EXT1: variants seen among roughly 807,000 people sequenced by gnomAD.
EXT1 encodes the protein exostosin glycosyltransferase 1.
A neutral mutation model predicts 82.5 loss-of-function variants in EXT1; 20 were observed. The ratio of observed to expected loss-of-function variants is 0.24; its 90% confidence interval spans 0.17 to 0.35. The LOEUF is 0.35. Among genes scored for constraint, EXT1 ranks in the 10% least tolerant of loss-of-function variants. The probability of loss-of-function intolerance (pLI) is 1.00; values close to 1 mark genes in which losing one functional copy is unlikely to be tolerated. For synonymous variants in EXT1, 348 were observed against 350.8 expected (o/e 0.99, Z 0.09); for missense variants, 757 against 936.5 (o/e 0.81, Z 2.50).
intron 1 of EXT1, among the ~76,000 whole-genome samples, chr8:117,965,708 T>C (rs918445959): frequency 1.3e-5 from 2 of 152,214 alleles, no homozygotes; most frequent in Admixed American, 6.5e-5. Context: ...TCAATACATA[T>C]TAATCAGTGA....
At chr8:118,014,497 G>T (rs2129842505) in intron 1 of EXT1, among the ~76,000 whole-genome samples, 1 of 152,254 alleles carries the variant, frequency 6.6e-6, no homozygotes, top group East Asian at 1.9e-4. Context: ...GTCAGCATTA[G>T]AACCACCTGT....
At chr8:117,850,969 C>G (rs1812442794) in intron 1 of EXT1, among the ~76,000 whole-genome samples, 1 of 152,116 alleles carries the variant, frequency 6.6e-6, no homozygotes, top group Non-Finnish European at 1.5e-5. Flanking sequence ...AAACCCAAAC[C>G]ACCCTTAGCA....
chr8:117,895,084 T>A (rs1813312790), intron 1 of EXT1, among the ~76,000 whole-genome samples: 1 of 152,174 alleles, frequency 6.6e-6, no homozygotes, highest in Non-Finnish European at 1.5e-5. Context: ...CCACTGTCAA[T>A]TCGATCATGA....
At chr8:118,018,385 A>G (rs556149475) in intron 1 of EXT1, among the ~76,000 whole-genome samples, 1 of 152,318 alleles carries the variant, frequency 6.6e-6, no homozygotes, top group African/African-American at 2.4e-5. Flanking sequence ...ATGTTTCTAT[A>G]AAGCCAGAAA....
In EXT1 at chr8:118,054,230, C is replaced by A. The variant is rs142595620; in HGVS notation, c.962+55855G>T. ...CAATGGTCTGTTGAGTATTTGTGCC[C>A]CAAACTAGCTAGGAAGCCATCTTTC... On this transcript the variant is annotated intron_variant, in intron 1 of 10. Coordinates refer to ENST00000378204, the MANE Select transcript of EXT1 (RefSeq NM_000127.3). Among the ~76,000 whole-genome samples the A allele has an allele frequency of 1.7e-3, 256 of 152,228 alleles. 1 individual carries two copies. The highest frequency in any genetic ancestry group is 5.9e-3 in the African/African-American group (243 of 41,534).
intron 4 of EXT1, among the ~76,000 whole-genome samples, chr8:117,828,182 GAT>G (rs897375869): frequency 1.3e-5 from 2 of 151,836 alleles, no homozygotes; most frequent in Non-Finnish European, 2.9e-5. Context: ...TGTTTGTGGG[GAT>G]ATATATATCA....
intron 1 of EXT1, among the ~76,000 whole-genome samples, chr8:117,894,616 T>TA (rs1173588195): frequency 6.6e-6 from 1 of 152,110 alleles, no homozygotes; most frequent in Non-Finnish European, 1.5e-5. Flanking sequence ...CCGGGAGAGA[T>TA]ACGTCCCTTT....
chr8:118,069,104 G>A (rs530132924), intron 1 of EXT1, among the ~76,000 whole-genome samples: 30 of 152,248 alleles, frequency 2.0e-4, no homozygotes, highest in Non-Finnish European at 3.5e-4. Context: ...GGACTAGCTG[G>A]AGGAAGCAAG....
chr8:118,025,534 G>T (rs1398449063), intron 1 of EXT1, among the ~76,000 whole-genome samples: 1 of 152,076 alleles, frequency 6.6e-6, no homozygotes, highest in Non-Finnish European at 1.5e-5. Context: ...GGCTACTTTC[G>T]AAAGCTTTTA....
intron 1 of EXT1, among the ~76,000 whole-genome samples, chr8:118,070,239 T>C (rs1227829994): frequency 8.1e-6 from 1 of 123,972 alleles, no homozygotes; most frequent in Non-Finnish European, 1.6e-5. Flanking sequence ...TGTGTGTGTG[T>C]GTGTGTGTGT....
At chr8:117,926,855 G>A (rs7812722) in intron 1 of EXT1, among the ~76,000 whole-genome samples, 86,765 of 152,050 alleles carry the variant, frequency 0.57, 27,043 homozygotes, top group Middle Eastern at 0.77. Flanking sequence ...GAAAATAACT[G>A]CACTGCCAGT....
rs1472428272 is a variant in EXT1, at chr8:117,796,363, T to TG, written c.*3348_*3349insC. 6.6e-6 allele frequency: 1 copy of TG among 151,914 alleles called. No homozygotes were observed. The highest frequency in any genetic ancestry group is 2.4e-5 in the African/African-American group (1 of 41,358). 9.4% of individuals were successfully genotyped at this position (151,914 alleles called of 1,614,324 possible). A position where few individuals can be genotyped will look rare whatever the true frequency, so the allele number is the denominator to read the frequency against. On this transcript the variant is annotated 3_prime_UTR_variant, in exon 11 of 11. Coordinates refer to ENST00000378204, the MANE Select transcript of EXT1 (RefSeq NM_000127.3). Reference sequence around the variant, plus strand: ...TGTTCTTAAATCAAGTGCCCTGTTTTTTTTTTTTTTAATTAAAAAAAATAG... The same window carrying TG: ...TGTTCTTAAATCAAGTGCCCTGTTTTGTTTTTTTTTTAATTAAAAAAAATAG...
At chr8:117,991,852 A>T (rs1304565126) in intron 1 of EXT1, among the ~76,000 whole-genome samples, 1 of 152,172 alleles carries the variant, frequency 6.6e-6, no homozygotes, top group African/African-American at 2.4e-5. Flanking sequence ...ATGAGCCACC[A>T]CACCTAGCCT....
chr8:117,819,827 G>A (rs1290022138), intron 5 of EXT1, 33 bp from the exon 6 acceptor site: 2 of 1,589,676 alleles, frequency 1.3e-6, no homozygotes, highest in Non-Finnish European at 8.6e-7. Flanking sequence ...GCCTAATGAA[G>A]CGCTGGAAAG....
At position 117,975,452 on chromosome 8, in the gene EXT1, C is replaced by T. The variant is rs184180145; in HGVS notation, c.962+134633G>A. Among the ~76,000 whole-genome samples, 556 of 151,982 alleles carry T rather than the reference C, an allele frequency of 3.7e-3. 3 individuals are homozygous for T. Among genetic ancestry groups the T allele is most frequent in the African/African-American group, 0.011 (468 of 41,436 alleles). ...ATTCCTTTAAATATGCTATTTGGTC[C>T]CTTCCCCTACAGTGCAAAGCCCTCA... On this transcript the variant is annotated intron_variant, in intron 1 of 10. Coordinates refer to ENST00000378204, the MANE Select transcript of EXT1 (RefSeq NM_000127.3).
intron 1 of EXT1, among the ~76,000 whole-genome samples, chr8:117,948,334 A>AAAAAAAC: frequency 6.6e-6 from 1 of 151,724 alleles, no homozygotes; most frequent in African/African-American, 2.4e-5. Context: ...AAAAAAAAAA[A>AAAAAAAC]AAAAAAAGGA....
chr8:117,991,623 A>G (rs897884427), intron 1 of EXT1, among the ~76,000 whole-genome samples: 1 of 151,932 alleles, frequency 6.6e-6, no homozygotes, highest in Non-Finnish European at 1.5e-5. Flanking sequence ...GCGCAGTGGC[A>G]TGATCTCAGC....
chr8:117,904,652 T>C (rs1467073526), intron 1 of EXT1, among the ~76,000 whole-genome samples: 2 of 152,208 alleles, frequency 1.3e-5, no homozygotes, highest in East Asian at 3.8e-4. Flanking sequence ...CTCAAGTGAT[T>C]CCCAGAAGAG....
intron 1 of EXT1, among the ~76,000 whole-genome samples, chr8:117,854,809 T>C (rs1047397437): frequency 5.3e-5 from 8 of 152,244 alleles, no homozygotes; most frequent in African/African-American, 1.9e-4. Flanking sequence ...CAGAGTTATA[T>C]AGCCAGAGAA....
Sources: gnomAD v4.1 joint callset for allele counts (sites outside exome capture counted in the v4.1 genomes callset) on GRCh38, gnomAD v4.1.1 for gene constraint, MANE v1.5 for transcripts, NCBI Gene and HGNC (gene_info 2026-07-23, HGNC 2026-07-21) for gene names.